GLIS1: variants seen among roughly 807,000 people sequenced by gnomAD.
The protein encoded by GLIS1 is GLIS family zinc finger 1, also known as zinc finger protein GLIS1.
In GLIS1, 24 loss-of-function variants were observed where a neutral mutation model predicts 63.8. That is an observed-to-expected ratio of 0.38 (90% CI 0.27 to 0.53). GLIS1 has a LOEUF of 0.53. GLIS1 is among the 20% of genes least tolerant of loss of function. GLIS1 has a pLI of 0.85. For synonymous variants in GLIS1, 450 were observed against 482.5 expected, an observed-to-expected ratio of 0.93 and a Z score of 0.88; for missense variants, 1,036 against 1,074.1, an observed-to-expected ratio of 0.96 and a Z score of 0.50.
chr1:53,710,326 A>G (rs1217733143), intron 2 of GLIS1, among the ~76,000 whole-genome samples: 1 of 152,260 alleles, frequency 6.6e-6, no homozygotes, highest in African/African-American at 2.4e-5. Context: ...CATAGCGTGG[A>G]GCCCCTGGGG....
chr1:53,537,755 G>C (rs1044688879), intron 4 of GLIS1, among the ~76,000 whole-genome samples: 1 of 152,166 alleles, frequency 6.6e-6, no homozygotes, highest in African/African-American at 2.4e-5. Context: ...GAGGAGGTTT[G>C]GGGGAACAGG....
In GLIS1 at chr1:53,737,806, C is replaced by A; in HGVS notation, c.259G>T (p.Val87Leu). ...GPSKAAAAGKVNGSYGHRTPG... is the reference protein window; with the variant it reads ...GPSKAAAAGKLNGSYGHRTPG... ...GGCACGTTGGCAGGGCCGAACTCAC[C>A]CTTCCCGGCGGCGGCGGCCTTGGAT... Residue 87 changes from valine (V) to leucine (L), a missense_variant and splice_region_variant, in exon 2 of 11, where the codon GTG becomes TTG. By Grantham distance (32) the Val-to-Leu change is conservative (BLOSUM62 1). This residue lies in a region of GLIS1 where 592 missense variants were observed against 593.9 expected (regional missense o/e 1.00). Coordinates refer to ENST00000628545, the MANE Select transcript of GLIS1 (RefSeq NM_001367484.1). The A allele has an allele frequency of 1.6e-6, 2 of 1,231,054 alleles. No individual in the cohort carries two copies. The highest frequency in any genetic ancestry group is 8.2e-5 in the South Asian group (2 of 24,316). 76.3% of individuals were successfully genotyped at this position (1,231,054 alleles called of 1,614,324 possible).
intron 2 of GLIS1, among the ~76,000 whole-genome samples, chr1:53,670,551 G>A (rs1389262470): frequency 6.6e-6 from 1 of 152,236 alleles, no homozygotes; most frequent in South Asian, 2.1e-4. Context: ...CTAAGAGGAA[G>A]ACACCTTCCA....
intron 4 of GLIS1, 112 bp downstream of exon 4, chr1:53,593,996 A>C (rs1645219959): frequency 7.9e-7 from 1 of 1,270,980 alleles, no homozygotes; most frequent in Non-Finnish European, 1.1e-6. Context: ...AACCACAGGG[A>C]TCTCAGCCAG....
chr1:53,708,083 C>T (rs1646599379), intron 2 of GLIS1, among the ~76,000 whole-genome samples: 1 of 151,912 alleles, frequency 6.6e-6, no homozygotes, highest in Non-Finnish European at 1.5e-5. Flanking sequence ...GAGATCGAGA[C>T]CATCCTGGCT....
chr1:53,638,342 G>A (rs930154725), intron 2 of GLIS1, among the ~76,000 whole-genome samples: 1 of 152,204 alleles, frequency 6.6e-6, no homozygotes, highest in Non-Finnish European at 1.5e-5. Flanking sequence ...CCACACGGGT[G>A]TTGCCTGCAG....
intron 2 of GLIS1, among the ~76,000 whole-genome samples, chr1:53,718,183 G>A (rs1235792119): frequency 9.9e-5 from 15 of 152,222 alleles, no homozygotes; most frequent in South Asian, 6.2e-4. Context: ...ACTCAGCATC[G>A]TTTTAATAAA....
chr1:53,616,204 A>G (rs961910954), intron 2 of GLIS1, among the ~76,000 whole-genome samples: 1 of 152,192 alleles, frequency 6.6e-6, no homozygotes, highest in African/African-American at 2.4e-5. Context: ...AGAGCCCCAT[A>G]TAAGCCCCTG....
At chr1:53,551,069 A>G (rs565083828) in intron 4 of GLIS1, among the ~76,000 whole-genome samples, 1 of 151,426 alleles carries the variant, frequency 6.6e-6, no homozygotes, top group East Asian at 1.9e-4. Flanking sequence ...CCGGTTTTGA[A>G]CTCCTGACCT....
At chr1:53,687,059 CT>C (rs1487612397) in intron 2 of GLIS1, among the ~76,000 whole-genome samples, 3 of 152,218 alleles carry the variant, frequency 2.0e-5, no homozygotes, top group Admixed American at 2.0e-4. Flanking sequence ...GGCCAAGTAA[CT>C]TCGACGAGGT....
At chr1:53,537,614 C>T (rs184869724) in intron 4 of GLIS1, among the ~76,000 whole-genome samples, 6 of 152,234 alleles carry the variant, frequency 3.9e-5, no homozygotes, top group Admixed American at 2.0e-4. Flanking sequence ...AAAGAATATG[C>T]CCAGTGTAGG....
At chr1:53,513,122 C>T (rs1644314685) in intron 8 of GLIS1, among the ~76,000 whole-genome samples, 1 of 152,156 alleles carries the variant, frequency 6.6e-6, no homozygotes, top group African/African-American at 2.4e-5. Context: ...TCTTCCCCTG[C>T]CTGTCAGCAG....
intron 4 of GLIS1, among the ~76,000 whole-genome samples, chr1:53,571,354 C>T (rs1644981942): frequency 6.6e-6 from 1 of 152,180 alleles, no homozygotes; most frequent in Admixed American, 6.5e-5. Context: ...TTCCCTAAGC[C>T]AGCAATTTCA....
At chr1:53,631,343 C>G (rs1030065304) in intron 2 of GLIS1, among the ~76,000 whole-genome samples, 11 of 152,140 alleles carry the variant, frequency 7.2e-5, no homozygotes, top group Non-Finnish European at 1.6e-4. Context: ...TATTTTCCCC[C>G]AAATAGTTAA....
chr1:53,589,531 G>C (rs1645168103), intron 4 of GLIS1, among the ~76,000 whole-genome samples: 1 of 152,214 alleles, frequency 6.6e-6, no homozygotes, highest in East Asian at 1.9e-4. Flanking sequence ...CAGCCAGGTG[G>C]CTTGTGTTCT....
At chr1:53,714,825 C>T (rs1446504156) in intron 2 of GLIS1, among the ~76,000 whole-genome samples, 1 of 152,264 alleles carries the variant, frequency 6.6e-6, no homozygotes, top group African/African-American at 2.4e-5. Context: ...CACTGTGCAG[C>T]AAGCACTGCT....
intron 4 of GLIS1, among the ~76,000 whole-genome samples, chr1:53,553,216 G>A (rs1644779742): frequency 6.6e-6 from 1 of 152,140 alleles, no homozygotes; most frequent in African/African-American, 2.4e-5. Flanking sequence ...CTCGGGGCTG[G>A]AGAAGTTTGT....
At chr1:53,649,634 T>C (rs1645884755) in intron 2 of GLIS1, among the ~76,000 whole-genome samples, 2 of 152,358 alleles carry the variant, frequency 1.3e-5, no homozygotes, top group Non-Finnish European at 2.9e-5. Flanking sequence ...TTGCTTGATA[T>C]GTACCATAGA....
chr1:53,506,491 TG>T lies in GLIS1; in HGVS notation c.*127del. On this transcript the variant is annotated 3_prime_UTR_variant, in exon 11 of 11. Transcript: ENST00000628545. The stretch of plus-strand genomic sequence containing the variant: ...GGTGGGGTGGCAGCGCTGGCTCCCC[TG>T]GGTCATGGCCTGGCTGTTCCGGCTG... 1 of 1,021,160 alleles carries T rather than the reference TG, an allele frequency of 9.8e-7. No individual in the cohort carries two copies. Among genetic ancestry groups the T allele is most frequent in the Non-Finnish European group, 1.4e-6 (1 of 694,416 alleles). 63.3% of individuals were successfully genotyped at this position (1,021,160 alleles called of 1,614,324 possible).
Sources: gnomAD v4.1 joint callset for allele counts (sites outside exome capture counted in the v4.1 genomes callset) on GRCh38, gnomAD v4.1.1 for gene constraint, gnomAD v4.1.1 regional missense constraint, MANE v1.5 for transcripts, NCBI Gene and HGNC (gene_info 2026-07-23, HGNC 2026-07-21) for gene names.